The following PDE4D variants were observed in gnomAD, a reference collection of about 807,000 sequenced individuals.
The protein encoded by PDE4D is phosphodiesterase 4D.
In PDE4D, 24 loss-of-function variants were observed where a neutral mutation model predicts 87.4. The observed-to-expected ratio is 0.27, with a 90% CI of 0.20 to 0.39. The LOEUF (loss-of-function observed/expected upper bound fraction) is 0.39, where lower values mean the gene tolerates loss of function less well. Among genes scored for constraint, PDE4D ranks in the 10% least tolerant of loss-of-function variants. The pLI is 1.00. For missense variants in PDE4D, 714 were observed against 1,041.0 expected, an observed-to-expected ratio of 0.69 and a Z score of 4.32; for synonymous variants, 384 against 383.2, an observed-to-expected ratio of 1.00 and a Z score of -0.02.
chr5:60,435,138 GA>G (rs755791772), intron 1 of PDE4D, among the ~76,000 whole-genome samples: 1 of 112,504 alleles, frequency 8.9e-6, no homozygotes, highest in African/African-American at 3.5e-5. Flanking sequence ...ATGTAAAACC[GA>G]ACTTGAAAAA....
At chr5:59,727,814 C>T (rs553581200) in intron 1 of PDE4D, among the ~76,000 whole-genome samples, 1 of 152,154 alleles carries the variant, frequency 6.6e-6, no homozygotes, top group Non-Finnish European at 1.5e-5. Flanking sequence ...TTCTCTTTCT[C>T]TCAATGCATG....
At chr5:59,118,905 G>A (rs1354089176) in intron 5 of PDE4D, among the ~76,000 whole-genome samples, 1 of 152,126 alleles carries the variant, frequency 6.6e-6, no homozygotes, top group African/African-American at 2.4e-5. Flanking sequence ...AATGAAACAA[G>A]GAAGAATGGA....
At chr5:59,668,900 G>T (rs1226219006) in intron 1 of PDE4D, among the ~76,000 whole-genome samples, 3 of 78,034 alleles carry the variant, frequency 3.8e-5, no homozygotes, top group African/African-American at 1.7e-4. Context: ...AGAAGAAGAA[G>T]AAGAAGAAGA....
intron 1 of PDE4D, chr5:59,768,671 G>A (rs1763116030): frequency 2.7e-6 from 4 of 1,486,194 alleles, no homozygotes; most frequent in Admixed American, 2.4e-5. Flanking sequence ...GGGTGCAGAG[G>A]AGGCGAGCGC....
intron 1 of PDE4D, among the ~76,000 whole-genome samples, chr5:59,443,854 T>C (rs1023480166): frequency 6.6e-6 from 1 of 151,764 alleles, no homozygotes; most frequent in Non-Finnish European, 1.5e-5. Flanking sequence ...GATACAATGA[T>C]GATAGAAAAT....
chr5:59,492,818 G>T (rs542417924), intron 1 of PDE4D, among the ~76,000 whole-genome samples: 2 of 152,140 alleles, frequency 1.3e-5, no homozygotes, highest in African/African-American at 2.4e-5. Flanking sequence ...CTGTTCTCAT[G>T]ATAGTGAATA....
chr5:59,227,949 T>C (rs530900254), intron 1 of PDE4D, among the ~76,000 whole-genome samples: 6 of 152,262 alleles, frequency 3.9e-5, no homozygotes, highest in African/African-American at 9.6e-5. Flanking sequence ...GATACGTGCA[T>C]GCATGTGTTA....
rs558063345 is a variant in PDE4D at position 60,028,635 on chromosome 5, CT to C, written c.43-39919del. ...AATGAGTAAAATCCATGAAATGCCC[CT>C]GATCCATATTCCTAGTTTACATTCC... On this transcript the variant is annotated intron_variant, in intron 2 of 16. Coordinates refer to the PDE4D transcript ENST00000502484. Among the ~76,000 whole-genome samples the C allele has an allele frequency of 2.6e-3, 392 of 152,304 alleles. 2 individuals carry two copies. The highest frequency in any genetic ancestry group is 9.1e-3 in the African/African-American group (377 of 41,574).
chr5:59,784,432 G>T (rs977662747), intron 1 of PDE4D, among the ~76,000 whole-genome samples: 1 of 152,166 alleles, frequency 6.6e-6, no homozygotes, highest in Non-Finnish European at 1.5e-5. Flanking sequence ...AAAATCTCTG[G>T]CAGAAGAATA....
At chr5:60,151,444 G>A (rs866684808) in intron 2 of PDE4D, among the ~76,000 whole-genome samples, 6 of 151,952 alleles carry the variant, frequency 3.9e-5, no homozygotes, top group African/African-American at 9.7e-5. Flanking sequence ...TTTCATTAAC[G>A]TTGTATAGTT....
chr5:60,049,954 C>T (rs963437435), intron 2 of PDE4D, among the ~76,000 whole-genome samples: 1 of 152,172 alleles, frequency 6.6e-6, no homozygotes, highest in African/African-American at 2.4e-5. Context: ...GGTGGGCGCC[C>T]CTCCCCCAGC....
chr5:59,677,447 C>A (rs892585558), intron 1 of PDE4D, among the ~76,000 whole-genome samples: 3 of 152,244 alleles, frequency 2.0e-5, no homozygotes, highest in Admixed American at 1.3e-4. Context: ...CAGCAACCAA[C>A]CTGAACCATC....
At chr5:59,284,859 A>G (rs1375144574) in intron 1 of PDE4D, among the ~76,000 whole-genome samples, 3 of 43,592 alleles carry the variant, frequency 6.9e-5, no homozygotes, top group African/African-American at 2.7e-4. Flanking sequence ...TGGCACATAT[A>G]CACCATGGAA....
rs886060713 is a variant in PDE4D, at chr5:58,974,015, A to C, written c.*649T>G. 3.9e-5 allele frequency: 6 copies of C among 152,644 alleles called. No homozygotes were observed. Among genetic ancestry groups the C allele is most frequent in the Admixed American group, 2.0e-4 (3 of 15,282 alleles). 9.5% of individuals were successfully genotyped at this position (152,644 alleles called of 1,614,324 possible). A position where few individuals can be genotyped will look rare whatever the true frequency, so the allele number is the denominator to read the frequency against. Reference sequence around the variant, plus strand: ...AGAAAAAAATAACCAGTGGCAGATGAAGTTCTGAACATAGTTTTTTTTAAA... The same window carrying C: ...AGAAAAAAATAACCAGTGGCAGATGCAGTTCTGAACATAGTTTTTTTTAAA... On this transcript the variant is annotated 3_prime_UTR_variant, in exon 15 of 15. Coordinates refer to ENST00000340635, the MANE Select transcript of PDE4D (RefSeq NM_001104631.2).
chr5:60,069,112 CTA>C (rs990666434), intron 2 of PDE4D, among the ~76,000 whole-genome samples: 5 of 152,182 alleles, frequency 3.3e-5, no homozygotes, highest in Non-Finnish European at 5.9e-5. Flanking sequence ...TCTCCAATCT[CTA>C]TGTGTATTCT....
chr5:60,471,306 C>T (rs1398859806), intron 1 of PDE4D, among the ~76,000 whole-genome samples: 2 of 152,140 alleles, frequency 1.3e-5, no homozygotes, highest in Non-Finnish European at 1.5e-5. Flanking sequence ...GCTTCTTACA[C>T]ATAAGCCAAG....
chr5:59,153,752 G>T (rs1581091396), intron 5 of PDE4D, among the ~76,000 whole-genome samples: 1 of 149,074 alleles, frequency 6.7e-6, no homozygotes, highest in East Asian at 2.0e-4. Context: ...GGTGGGCAGG[G>T]TTTTTTTTTT....
At chr5:60,256,080 C>T (rs1445426143) in intron 1 of PDE4D, among the ~76,000 whole-genome samples, 1 of 151,864 alleles carries the variant, frequency 6.6e-6, no homozygotes, top group Non-Finnish European at 1.5e-5. Context: ...CAGATGCATA[C>T]AATTCCTCCA....
chr5:59,471,415 C>T (rs1802427127), intron 1 of PDE4D, among the ~76,000 whole-genome samples: 1 of 152,164 alleles, frequency 6.6e-6, no homozygotes, highest in Non-Finnish European at 1.5e-5. Flanking sequence ...CAGTGCTGGT[C>T]AGGAGCTAGA....
Sources: allele counts gnomAD v4.1 joint callset (sites outside exome capture counted in the v4.1 genomes callset), GRCh38; gene constraint gnomAD v4.1.1; transcripts MANE v1.5; gene names NCBI Gene and HGNC (gene_info 2026-07-23, HGNC 2026-07-21).